UNC13C: variants seen among roughly 807,000 people sequenced by gnomAD.
UNC13C encodes the protein protein unc-13 homolog C.
In UNC13C, 174 loss-of-function variants were observed where a neutral mutation model predicts 245.4. That is an observed-to-expected ratio of 0.71 (90% CI 0.63 to 0.80). The LOEUF is 0.80. Among genes scored for constraint, UNC13C ranks in the 30% least tolerant of loss-of-function variants. The pLI is 0.00. For synonymous variants in UNC13C, 992 were observed against 895.1 expected (o/e 1.11, Z -1.93); for missense variants, 2,829 against 2,602.9 (o/e 1.09, Z -1.89).
chr15:54,367,539 C>T (rs2039391418), intron 17 of UNC13C, among the ~76,000 whole-genome samples: 1 of 152,086 alleles, frequency 6.6e-6, no homozygotes, highest in Non-Finnish European at 1.5e-5. Context: ...ACTTTCTTGC[C>T]CCTGTCCATA....
intron 19 of UNC13C, among the ~76,000 whole-genome samples, chr15:54,476,553 T>C (rs1213935168): frequency 2.0e-5 from 3 of 151,748 alleles, no homozygotes; most frequent in Non-Finnish European, 4.4e-5. Flanking sequence ...CAGCACCATT[T>C]ATTAAATAGG....
chr15:53,920,207 C>A, the UNC13C span, among the ~76,000 whole-genome samples: 5 of 152,162 alleles, frequency 3.3e-5, no homozygotes, highest in Non-Finnish European at 7.4e-5. Flanking sequence ...GTTAAGATAA[C>A]GCTACAGCAT....
At chr15:54,304,588 C>T (rs1236026695) in intron 13 of UNC13C, among the ~76,000 whole-genome samples, 2 of 149,350 alleles carry the variant, frequency 1.3e-5, no homozygotes, top group Admixed American at 1.4e-4. Flanking sequence ...CCTCCTTTCC[C>T]TTAGAGCATT....
chr15:54,089,508 T>G (rs1313968040), intron 2 of UNC13C, among the ~76,000 whole-genome samples: 2 of 152,084 alleles, frequency 1.3e-5, no homozygotes, highest in Non-Finnish European at 2.9e-5. Flanking sequence ...AGAAAACCTG[T>G]GAGTATGTGT....
intron 1 of UNC13C, among the ~76,000 whole-genome samples, chr15:53,990,138 G>A (rs1479228099): frequency 1.3e-5 from 2 of 152,090 alleles, no homozygotes; most frequent in Admixed American, 1.3e-4. Flanking sequence ...CTGAAAGAGA[G>A]ATAGATATGT....
chr15:54,218,232 G>A (rs1212813796), intron 4 of UNC13C, among the ~76,000 whole-genome samples: 8 of 151,978 alleles, frequency 5.3e-5, no homozygotes, highest in Non-Finnish European at 7.4e-5. Flanking sequence ...ACCCACACAT[G>A]TGCTGGCAAC....
intron 29 of UNC13C, among the ~76,000 whole-genome samples, chr15:54,557,549 C>G (rs1596567207): frequency 6.6e-6 from 1 of 151,598 alleles, no homozygotes; most frequent in Non-Finnish European, 1.5e-5. Flanking sequence ...AGTTTTAACT[C>G]CAAGAACTAA....
At chr15:54,213,886 G>A (rs1447261689) in intron 4 of UNC13C, among the ~76,000 whole-genome samples, 4 of 151,940 alleles carry the variant, frequency 2.6e-5, no homozygotes, top group Non-Finnish European at 5.9e-5. Context: ...TAATCCAATG[G>A]CACCAGAAGT....
chr15:54,160,229 T>C (rs1360562728), intron 4 of UNC13C, among the ~76,000 whole-genome samples: 1 of 151,654 alleles, frequency 6.6e-6, no homozygotes, highest in Non-Finnish European at 1.5e-5. Context: ...AGGTAGACTG[T>C]TAGTGAGGAT....
intron 1 of UNC13C, among the ~76,000 whole-genome samples, chr15:53,986,277 G>A (rs17793769): frequency 0.13 from 20,170 of 152,094 alleles, 1,725 homozygotes; most frequent in Non-Finnish European, 0.2. Flanking sequence ...CCAATTAGGA[G>A]AGACAAAGTG....
At chr15:53,970,841 T>G in the UNC13C span, among the ~76,000 whole-genome samples, 2 of 152,206 alleles carry the variant, frequency 1.3e-5, no homozygotes, top group African/African-American at 4.8e-5. Context: ...TAAAAGTTGA[T>G]TAAAAAATAA....
At chr15:54,372,522 A>T (rs1446058351) in intron 17 of UNC13C, among the ~76,000 whole-genome samples, 2 of 152,208 alleles carry the variant, frequency 1.3e-5, no homozygotes, top group Non-Finnish European at 2.9e-5. Flanking sequence ...AGCTTCTGTC[A>T]ATGATTCCTT....
intron 2 of UNC13C, among the ~76,000 whole-genome samples, chr15:54,124,169 A>T (rs2030874261): frequency 6.6e-6 from 1 of 152,140 alleles, no homozygotes; most frequent in African/African-American, 2.4e-5. Context: ...TCATATGTAG[A>T]TTTTTGTGTA....
chr15:54,226,254 T>C (rs913161422), intron 4 of UNC13C, among the ~76,000 whole-genome samples: 3 of 152,228 alleles, frequency 2.0e-5, no homozygotes, highest in Non-Finnish European at 4.4e-5. Flanking sequence ...GATATTGACC[T>C]GAAGTTTTCA....
chr15:54,181,927 C>A (rs937753689), intron 4 of UNC13C, among the ~76,000 whole-genome samples: 6 of 151,856 alleles, frequency 4.0e-5, no homozygotes, highest in African/African-American at 1.2e-4. Flanking sequence ...GTTCCAAAAG[C>A]CTTTTGGCAG....
chr15:54,615,672 A>G (rs577231043), intron 30 of UNC13C, among the ~76,000 whole-genome samples: 1 of 152,198 alleles, frequency 6.6e-6, no homozygotes, highest in South Asian at 2.1e-4. Context: ...TGAAACAGTT[A>G]TCAGGCATTA....
At chr15:54,006,382 A>C (rs905769454) in intron 1 of UNC13C, among the ~76,000 whole-genome samples, 1 of 152,182 alleles carries the variant, frequency 6.6e-6, no homozygotes, top group African/African-American at 2.4e-5. Flanking sequence ...GTTTGTTTTT[A>C]AAAAATAGTA....
Position 54,113,528 on chromosome 15 carries a change from T to C in UNC13C, c.2984-29490T>C, listed in dbSNP as rs369811352. 6.6e-5 allele frequency among the ~76,000 whole-genome samples: 10 copies of C among 152,228 alleles called. No individual in the cohort carries two copies. The East Asian group carries it at 1.7e-3, about 27-fold the overall frequency. On this transcript the variant is annotated intron_variant, in intron 2 of 32. Transcript: ENST00000260323. ...GGGGGTAATCACACAAAGCAAGCTG[T>C]TAAGTTCTGCAGGTTGCTTGTTAAA...
intron 2 of UNC13C, among the ~76,000 whole-genome samples, chr15:54,038,123 T>A (rs28673897): frequency 2.0e-5 from 1 of 50,400 alleles, no homozygotes; most frequent in African/African-American, 8.4e-5. Flanking sequence ...TATATATATA[T>A]ATTTTTTTTT....
Sources: allele counts gnomAD v4.1 joint callset (sites outside exome capture counted in the v4.1 genomes callset), GRCh38; gene constraint gnomAD v4.1.1; transcripts MANE v1.5; gene names NCBI Gene and HGNC (gene_info 2026-07-23, HGNC 2026-07-21).